EPHA3: variants seen among roughly 807,000 people sequenced by gnomAD.
EPHA3 encodes the protein ephrin type-A receptor 3.
A neutral mutation model predicts 107.1 loss-of-function variants in EPHA3; 42 were observed. That is an observed-to-expected ratio of 0.39 (90% confidence interval 0.31 to 0.51). EPHA3 has a LOEUF of 0.51. EPHA3 is among the 20% of genes least tolerant of loss of function. The probability of loss-of-function intolerance (pLI) is 0.78; values close to 1 mark genes in which losing one functional copy is unlikely to be tolerated. For synonymous variants in EPHA3, 461 were observed against 424.8 expected (o/e 1.09, Z -1.05); for missense variants, 1,183 against 1,211.2 (o/e 0.98, Z 0.35).
At chr3:89,427,125 G>A (rs1487726032) in intron 11 of EPHA3, among the ~76,000 whole-genome samples, 1 of 151,858 alleles carries the variant, frequency 6.6e-6, no homozygotes, top group South Asian at 2.1e-4. Context: ...GTTACATGGT[G>A]CCTTAAAGAC....
At chr3:89,159,480 C>T (rs972181707) in intron 2 of EPHA3, among the ~76,000 whole-genome samples, 1 of 152,144 alleles carries the variant, frequency 6.6e-6, no homozygotes, top group Non-Finnish European at 1.5e-5. Context: ...GCTATGGTCT[C>T]ATTGACACCA....
chr3:89,218,943 C>G (rs1490043218), intron 3 of EPHA3, among the ~76,000 whole-genome samples: 6 of 152,044 alleles, frequency 3.9e-5, no homozygotes, highest in Admixed American at 3.9e-4. Flanking sequence ...GGATCTAGAA[C>G]TAGAAGCATC....
chr3:89,290,502 T>A (rs1273118030), intron 3 of EPHA3, among the ~76,000 whole-genome samples: 1 of 152,190 alleles, frequency 6.6e-6, no homozygotes, highest in Admixed American at 6.6e-5. Context: ...TAGTAAGTTA[T>A]GAAAAAGGAA....
chr3:89,210,016 C>T lies in EPHA3; in HGVS notation c.310C>T (p.Arg104Ter), dbSNP rs1706229505. The T allele has an allele frequency of 3.1e-6, 5 of 1,614,018 alleles. No homozygotes were observed. Among genetic ancestry groups the T allele is most frequent in the Non-Finnish European group, 4.2e-6 (5 of 1,179,938 alleles). ...KIYVELKFTL[R>*]DCNSIPLVLG... Reference sequence around the variant, plus strand: ...TTATGTGGAGCTCAAGTTCACTCTACGAGACTGCAATAGCATTCCATTGGT... The same window carrying T: ...TTATGTGGAGCTCAAGTTCACTCTATGAGACTGCAATAGCATTCCATTGGT... The change falls in exon 3 of 17, where the codon CGA (arginine) becomes TGA (stop). Residue 104 changes from arginine to a stop codon, truncating the protein, a stop_gained. Coordinates refer to ENST00000336596, the MANE Select transcript of EPHA3 (RefSeq NM_005233.6). LOFTEE classifies it high-confidence loss of function.
intron 2 of EPHA3, among the ~76,000 whole-genome samples, chr3:89,160,548 T>TTGTG (rs1164056787): frequency 1.5e-4 from 18 of 120,538 alleles, no homozygotes; most frequent in African/African-American, 5.7e-4. Context: ...ATATTAGATT[T>TTGTG]TGTGTGTGTG....
intron 6 of EPHA3, among the ~76,000 whole-genome samples, chr3:89,398,407 C>T (rs1422979085): frequency 6.6e-6 from 1 of 152,164 alleles, no homozygotes; most frequent in Non-Finnish European, 1.5e-5. Flanking sequence ...ATCTAATGTA[C>T]AATGTGAATC....
intron 2 of EPHA3, among the ~76,000 whole-genome samples, chr3:89,201,021 A>C (rs1705955889): frequency 6.6e-6 from 1 of 152,222 alleles, no homozygotes; most frequent in South Asian, 2.1e-4. Context: ...CTATAAAAAC[A>C]CTACCTAAGA....
intron 3 of EPHA3, among the ~76,000 whole-genome samples, chr3:89,308,590 A>G (rs1382489363): frequency 2.1e-5 from 3 of 144,330 alleles, no homozygotes; most frequent in African/African-American, 7.5e-5. Flanking sequence ...TTTATGGACT[A>G]CAGCCAAGGG....
chr3:89,475,854 G>T (rs1244282660), intron 16 of EPHA3, among the ~76,000 whole-genome samples: 2 of 152,082 alleles, frequency 1.3e-5, no homozygotes, highest in African/African-American at 4.8e-5. Flanking sequence ...CTTCTGAACA[G>T]GACAGTCAAA....
intron 13 of EPHA3, among the ~76,000 whole-genome samples, chr3:89,433,970 A>C (rs1197544489): frequency 6.6e-6 from 1 of 152,122 alleles, no homozygotes; most frequent in South Asian, 2.1e-4. Flanking sequence ...AATGTATTTC[A>C]TTCTACTCAC....
intron 2 of EPHA3, among the ~76,000 whole-genome samples, chr3:89,159,362 T>C (rs775360499): frequency 1.6e-4 from 24 of 152,028 alleles, no homozygotes; most frequent in Admixed American, 3.9e-4. Flanking sequence ...CTAACCCAGC[T>C]CAGAAAGTGG....
intron 1 of EPHA3, among the ~76,000 whole-genome samples, chr3:89,110,077 C>A (rs969275822): frequency 1.3e-5 from 2 of 151,786 alleles, no homozygotes; most frequent in African/African-American, 4.8e-5. Flanking sequence ...GAAAGCAATT[C>A]TTTTGAAAAT....
chr3:89,260,241 C>G lies in EPHA3; in HGVS notation c.814+49721C>G, dbSNP rs1305682729. 2.6e-5 allele frequency among the ~76,000 whole-genome samples: 4 copies of G among 152,158 alleles called. No individual in the cohort carries two copies. In the East Asian group the frequency reaches 7.7e-4, roughly 29 times the overall value. ...TGTATGGAAGTTCTATTGTTAATTT[C>G]TGTGGAACCTCCATGCTCTTTTCCA... On this transcript the variant is annotated intron_variant, in intron 3 of 16. Coordinates refer to ENST00000336596, the MANE Select transcript of EPHA3 (RefSeq NM_005233.6).
At chr3:89,204,690 A>AT (rs1706059102) in intron 2 of EPHA3, among the ~76,000 whole-genome samples, 1 of 152,058 alleles carries the variant, frequency 6.6e-6, no homozygotes. Context: ...AAATAGAAAT[A>AT]TAATGATTTT....
chr3:89,268,139 C>A (rs1200247383), intron 3 of EPHA3, among the ~76,000 whole-genome samples: 2 of 152,052 alleles, frequency 1.3e-5, no homozygotes, highest in East Asian at 3.8e-4. Flanking sequence ...TAACTCAATC[C>A]ATTTTTCCTA....
intron 10 of EPHA3, among the ~76,000 whole-genome samples, chr3:89,417,034 A>G (rs1264676935): frequency 6.6e-6 from 1 of 151,512 alleles, no homozygotes; most frequent in African/African-American, 2.4e-5. Flanking sequence ...CTTAAAGGGT[A>G]GTTAGGCAAT....
intron 3 of EPHA3, among the ~76,000 whole-genome samples, chr3:89,305,931 T>A (rs1467578107): frequency 6.6e-6 from 1 of 152,004 alleles, no homozygotes; most frequent in Non-Finnish European, 1.5e-5. Flanking sequence ...TTTCCTAGAG[T>A]AGGAGAAGTA....
At chr3:89,362,588 T>C (rs1708115345) in intron 5 of EPHA3, among the ~76,000 whole-genome samples, 1 of 151,172 alleles carries the variant, frequency 6.6e-6, no homozygotes, top group Non-Finnish European at 1.5e-5. Flanking sequence ...GAAAGTAATA[T>C]GGAAAGATGT....
intron 11 of EPHA3, among the ~76,000 whole-genome samples, chr3:89,420,919 CCA>C (rs1375508280): frequency 6.6e-6 from 1 of 151,352 alleles, no homozygotes; most frequent in Non-Finnish European, 1.5e-5. Flanking sequence ...TTCATTCTTA[CCA>C]CTACCCTGTG....
Sources: gnomAD v4.1 joint callset for allele counts (sites outside exome capture counted in the v4.1 genomes callset) on GRCh38, gnomAD v4.1.1 for gene constraint, MANE v1.5 for transcripts, NCBI Gene and HGNC (gene_info 2026-07-23, HGNC 2026-07-21) for gene names.